Variants in SLMAP observed in about 807,000 individuals in gnomAD.
The protein encoded by SLMAP is sarcolemmal membrane-associated protein.
Under a neutral mutation model 128.8 loss-of-function variants are expected in SLMAP, and 44 were observed. The observed-to-expected ratio is 0.34, with a 90% confidence interval of 0.27 to 0.44. The LOEUF is 0.44. Ranked by LOEUF, SLMAP falls within the 20% of genes least tolerant of loss-of-function variation. The probability of loss-of-function intolerance (pLI) is 1.00; values close to 1 mark genes in which losing one functional copy is unlikely to be tolerated. For missense variants in SLMAP, 787 were observed against 985.3 expected, an observed-to-expected ratio of 0.80 and a Z score of 2.69; for synonymous variants, 327 against 348.8, an observed-to-expected ratio of 0.94 and a Z score of 0.70.
At chr3:57,892,903 G>A (rs927658689) in intron 15 of SLMAP, among the ~76,000 whole-genome samples, 2 of 146,714 alleles carry the variant, frequency 1.4e-5, no homozygotes, top group Non-Finnish European at 3.0e-5. Flanking sequence ...GCTCAATCTC[G>A]GCTCACTGCA....
intron 19 of SLMAP, 168 bp from the exon 20 acceptor site, chr3:57,912,213 C>A: frequency 1.4e-5 from 7 of 500,102 alleles, no homozygotes; most frequent in African/African-American, 1.9e-5. Context: ...GTTTTTTTTT[C>A]CTCTTTGCTA....
intron 2 of SLMAP, among the ~76,000 whole-genome samples, chr3:57,767,798 A>G (rs2080048228): frequency 6.6e-6 from 1 of 152,170 alleles, no homozygotes; most frequent in South Asian, 2.1e-4. Context: ...ACTATTAGAC[A>G]TTTATTCTGA....
At chr3:57,762,008 C>T (rs1431564535) in intron 2 of SLMAP, among the ~76,000 whole-genome samples, 1 of 144,600 alleles carries the variant, frequency 6.9e-6, no homozygotes, top group Non-Finnish European at 1.5e-5. Context: ...GATTGCGCCA[C>T]TGCAGTCCGC....
chr3:57,813,353 C>T (rs1266667310), intron 2 of SLMAP, among the ~76,000 whole-genome samples: 3 of 152,094 alleles, frequency 2.0e-5, no homozygotes, highest in Admixed American at 6.5e-5. Flanking sequence ...GCCTTGGCTT[C>T]CCAAAGTGCT....
At chr3:57,892,451 A>G (rs532750616) in intron 15 of SLMAP, among the ~76,000 whole-genome samples, 6 of 151,608 alleles carry the variant, frequency 4.0e-5, no homozygotes, top group Non-Finnish European at 8.8e-5. Context: ...ATGTGTAGAT[A>G]ATTCTACCAC....
At chr3:57,772,478 C>T (rs1024801253) in intron 2 of SLMAP, among the ~76,000 whole-genome samples, 1 of 152,164 alleles carries the variant, frequency 6.6e-6, no homozygotes, top group Non-Finnish European at 1.5e-5. Context: ...TGGCGTTGTG[C>T]AGACATGGCT....
chr3:57,778,574 T>C (rs193259529), intron 2 of SLMAP, among the ~76,000 whole-genome samples: 4,379 of 143,708 alleles, frequency 0.03, 161 homozygotes, highest in African/African-American at 0.11. Flanking sequence ...TTCTTTCTTT[T>C]TTTTTTTTTT....
chr3:57,918,731 A>T (rs2096860386), intron 22 of SLMAP, among the ~76,000 whole-genome samples: 1 of 152,210 alleles, frequency 6.6e-6, no homozygotes, highest in African/African-American at 2.4e-5. Flanking sequence ...TTATTGATGC[A>T]CATATATTCC....
chr3:57,842,200 G>A (rs370326514), intron 4 of SLMAP, among the ~76,000 whole-genome samples: 3 of 152,092 alleles, frequency 2.0e-5, no homozygotes, highest in Non-Finnish European at 4.4e-5. Flanking sequence ...TAAGCAGAGC[G>A]AGGCCCTCCC....
intron 17 of SLMAP, among the ~76,000 whole-genome samples, chr3:57,906,050 T>TAACAA: frequency 9.4e-6 from 1 of 105,994 alleles, no homozygotes; most frequent in Non-Finnish European, 1.9e-5. Flanking sequence ...AAATACTCCT[T>TAACAA]AAAAAAAAAA....
intron 3 of SLMAP, among the ~76,000 whole-genome samples, chr3:57,837,306 C>T (rs571109112): frequency 6.6e-6 from 1 of 152,288 alleles, no homozygotes; most frequent in South Asian, 2.1e-4. Context: ...CACACACAAC[C>T]TGGAACATAT....
At chr3:57,925,440 G>A (rs2096990583) in intron 23 of SLMAP, among the ~76,000 whole-genome samples, 1 of 150,052 alleles carries the variant, frequency 6.7e-6, no homozygotes, top group Non-Finnish European at 1.5e-5. Context: ...CAATTCTCCT[G>A]CCTTAACCTC....
At chr3:57,767,472 ATTAT>A (rs1441977763) in intron 2 of SLMAP, among the ~76,000 whole-genome samples, 1 of 152,220 alleles carries the variant, frequency 6.6e-6, no homozygotes, top group Non-Finnish European at 1.5e-5. Flanking sequence ...TGTATAAGTC[ATTAT>A]TTATTGAGAG....
chr3:57,924,934 G>GTGTTTTT (rs574788509), intron 23 of SLMAP, among the ~76,000 whole-genome samples: 14,564 of 148,372 alleles, frequency 0.098, 918 homozygotes, highest in Non-Finnish European at 0.14. Flanking sequence ...AGTATTGTCA[G>GTGTTTTT]TGTTTTTTGT....
At chr3:57,833,698 T>A (rs2093473023) in intron 3 of SLMAP, among the ~76,000 whole-genome samples, 1 of 151,996 alleles carries the variant, frequency 6.6e-6, no homozygotes, top group South Asian at 2.1e-4. Flanking sequence ...GATTACAGGC[T>A]AAGCCATCAC....
intron 2 of SLMAP, among the ~76,000 whole-genome samples, chr3:57,781,986 G>A (rs2083188251): frequency 6.6e-6 from 1 of 152,116 alleles, no homozygotes; most frequent in Non-Finnish European, 1.5e-5. Context: ...GCCCATGTCA[G>A]CCTTCCAAAG....
At chr3:57,822,826 C>A (rs529525403) in intron 2 of SLMAP, among the ~76,000 whole-genome samples, 1 of 152,358 alleles carries the variant, frequency 6.6e-6, no homozygotes, top group South Asian at 2.1e-4. Flanking sequence ...TTCCCTCAAA[C>A]TCCTTTTCTT....
In SLMAP at chr3:57,916,981, A is replaced by G; in HGVS notation, c.2214A>G (p.Gln738=). Reference sequence around the variant, plus strand: ...TGTCTAGGAAAGAACTTGAGAATCAAGTGGGATCCTTGAAAGAACAGCATC... The same window carrying G: ...TGTCTAGGAAAGAACTTGAGAATCAGGTGGGATCCTTGAAAGAACAGCATC... The part of the protein sequence containing the change: ...LQMSRKELEN[Q]VGSLKEQHLR... The change falls in exon 22 of 25, where the codon CAA becomes CAG. Residue 738 remains glutamine (Q), a synonymous_variant. Transcript: ENST00000671191. 6.2e-7 allele frequency: 1 copy of G among 1,613,964 alleles called. No homozygotes were observed. Among genetic ancestry groups the G allele is most frequent in the Non-Finnish European group, 8.5e-7 (1 of 1,179,926 alleles).
intron 6 of SLMAP, among the ~76,000 whole-genome samples, chr3:57,850,237 TA>T (rs1285828618): frequency 6.6e-5 from 10 of 151,974 alleles, no homozygotes; most frequent in African/African-American, 9.7e-5. Flanking sequence ...AAATATAGGA[TA>T]AAAAAATGGC....
Sources: gnomAD v4.1 joint callset for allele counts (sites outside exome capture counted in the v4.1 genomes callset) on GRCh38, gnomAD v4.1.1 for gene constraint, MANE v1.5 for transcripts, NCBI Gene and HGNC (gene_info 2026-07-23, HGNC 2026-07-21) for gene names.